Variants in DLG1 observed in about 807,000 individuals in gnomAD.
DLG1 encodes the protein disks large homolog 1.
DLG1 carries 42 observed loss-of-function variants against 123.4 expected under a neutral mutation model. That is an observed-to-expected ratio of 0.34 (90% CI 0.27 to 0.44). The LOEUF is 0.44. Ranked by LOEUF, DLG1 falls within the 20% of genes least tolerant of loss-of-function variation. The pLI, the probability that DLG1 is intolerant of heterozygous loss-of-function variation, is 1.00. For missense variants in DLG1, 942 were observed against 1,082.6 expected (o/e 0.87, Z 1.82); for synonymous variants, 317 against 356.2 (o/e 0.89, Z 1.24).
intron 23 of DLG1, among the ~76,000 whole-genome samples, chr3:197,058,707 A>G (rs1294965661): frequency 6.6e-6 from 1 of 152,216 alleles, no homozygotes; most frequent in Non-Finnish European, 1.5e-5. Flanking sequence ...ACAGATGTCA[A>G]ATAGGTAAAG....
chr3:197,268,237 A>C (rs1450199344), intron 4 of DLG1, among the ~76,000 whole-genome samples: 1 of 152,208 alleles, frequency 6.6e-6, no homozygotes, highest in Non-Finnish European at 1.5e-5. Flanking sequence ...CACATAATCA[A>C]AACTCATAAT....
intron 14 of DLG1, among the ~76,000 whole-genome samples, chr3:197,095,189 G>T (rs1358962544): frequency 6.6e-6 from 1 of 151,996 alleles, no homozygotes; most frequent in Non-Finnish European, 1.5e-5. Flanking sequence ...TTGCCTTCTT[G>T]ATGTCTCATC....
chr3:197,177,023 G>GA (rs1191718741), intron 5 of DLG1, among the ~76,000 whole-genome samples: 1 of 150,850 alleles, frequency 6.6e-6, no homozygotes, highest in Non-Finnish European at 1.5e-5. Context: ...AAAATGTGTT[G>GA]AAACAGTGTT....
chr3:197,296,339 T>C lies in DLG1; in HGVS notation c.151+7A>G. 1 of 1,612,242 alleles carries C rather than the reference T, an allele frequency of 6.2e-7. No homozygotes were observed. Among genetic ancestry groups the C allele is most frequent in the Non-Finnish European group, 8.5e-7 (1 of 1,178,578 alleles). ...TGGCATAATAGTTACGAAGTTTTAATTCCCACCTATTAAAGCCTGAAAGAG... is the reference window on the plus strand; with the variant it reads ...TGGCATAATAGTTACGAAGTTTTAACTCCCACCTATTAAAGCCTGAAAGAG... On this transcript the variant is annotated splice_region_variant and intron_variant, in intron 3 of 24. Coordinates refer to ENST00000667157, the MANE Select transcript of DLG1 (RefSeq NM_001366207.1).
intron 4 of DLG1, among the ~76,000 whole-genome samples, chr3:197,274,335 C>T (rs1240119162): frequency 1.3e-5 from 2 of 152,092 alleles, no homozygotes; most frequent in East Asian, 3.8e-4. Context: ...CAAAAACACA[C>T]AATGGGAAAA....
intron 4 of DLG1, chr3:197,226,209 T>C (rs550047899): frequency 1.3e-5 from 2 of 152,368 alleles, no homozygotes; most frequent in South Asian, 2.1e-4. Flanking sequence ...ACTAAAATTA[T>C]AGTCAAATTA....
At chr3:197,221,157 T>C (rs1204512587) in intron 4 of DLG1, among the ~76,000 whole-genome samples, 7 of 152,192 alleles carry the variant, frequency 4.6e-5, no homozygotes, top group African/African-American at 4.8e-5. Context: ...TTGAGTGTAA[T>C]GGTAGCTCTT....
intron 14 of DLG1, among the ~76,000 whole-genome samples, chr3:197,093,904 G>A (rs1023854436): frequency 6.6e-6 from 1 of 152,160 alleles, no homozygotes; most frequent in African/African-American, 2.4e-5. Context: ...CTGGGCTAGT[G>A]CTTTGGGTCA....
intron 22 of DLG1, among the ~76,000 whole-genome samples, chr3:197,064,987 T>C (rs1441656012): frequency 6.6e-6 from 1 of 151,844 alleles, no homozygotes; most frequent in Admixed American, 6.6e-5. Flanking sequence ...CTCCTTTTAA[T>C]ATATGCTGGA....
At chr3:197,290,100 GC>G (rs1016291586) in intron 3 of DLG1, among the ~76,000 whole-genome samples, 4 of 151,936 alleles carry the variant, frequency 2.6e-5, no homozygotes, top group Admixed American at 2.0e-4. Context: ...GCTTGAAAGG[GC>G]CCCCACTGGA....
At chr3:197,079,990 T>G (rs1184170297) in intron 17 of DLG1, among the ~76,000 whole-genome samples, 1 of 151,874 alleles carries the variant, frequency 6.6e-6, no homozygotes, top group African/African-American at 2.4e-5. Flanking sequence ...TTATAAAAAT[T>G]TTGTTTAGTA....
intron 14 of DLG1, among the ~76,000 whole-genome samples, chr3:197,100,610 T>C (rs1762937267): frequency 6.6e-6 from 1 of 152,084 alleles, no homozygotes; most frequent in Non-Finnish European, 1.5e-5. Context: ...TGAGGAACAA[T>C]AAGATTAAAT....
intron 4 of DLG1, among the ~76,000 whole-genome samples, chr3:197,221,529 A>G (rs1026424912): frequency 2.0e-5 from 3 of 152,086 alleles, no homozygotes; most frequent in African/African-American, 7.2e-5. Flanking sequence ...CATCTCAAAA[A>G]GAAAAGGAAA....
chr3:197,079,744 C>G (rs1749679229), intron 17 of DLG1, among the ~76,000 whole-genome samples: 1 of 152,058 alleles, frequency 6.6e-6, no homozygotes, highest in Non-Finnish European at 1.5e-5. Context: ...TGCTTCAGAT[C>G]ACACTATATA....
intron 5 of DLG1, among the ~76,000 whole-genome samples, chr3:197,161,193 G>C (rs1216962654): frequency 6.6e-6 from 1 of 152,102 alleles, no homozygotes; most frequent in Non-Finnish European, 1.5e-5. Flanking sequence ...AATGTGAAGT[G>C]TGTTATCTAA....
At chr3:197,207,644 T>G (rs1223084466) in intron 4 of DLG1, among the ~76,000 whole-genome samples, 1 of 152,150 alleles carries the variant, frequency 6.6e-6, no homozygotes, top group African/African-American at 2.4e-5. Flanking sequence ...CCTTGATTAA[T>G]ATATGGTATT....
At chr3:197,166,438 TATAG>T (rs936301413) in intron 5 of DLG1, among the ~76,000 whole-genome samples, 1 of 152,164 alleles carries the variant, frequency 6.6e-6, no homozygotes, top group African/African-American at 2.4e-5. Context: ...TTTCAATATA[TATAG>T]ATAAATACAA....
chr3:197,111,870 G>A (rs752106452), intron 13 of DLG1, among the ~76,000 whole-genome samples: 7 of 152,136 alleles, frequency 4.6e-5, no homozygotes, highest in Non-Finnish European at 7.4e-5. Flanking sequence ...ATTATATTGT[G>A]TAAACATACC....
intron 15 of DLG1, among the ~76,000 whole-genome samples, chr3:197,086,156 A>C (rs1754222857): frequency 6.6e-6 from 1 of 152,110 alleles, no homozygotes; most frequent in African/African-American, 2.4e-5. Flanking sequence ...TATTTGATTT[A>C]TTAGTTGTGG....
Sources: allele counts gnomAD v4.1 joint callset (sites outside exome capture counted in the v4.1 genomes callset), GRCh38; gene constraint gnomAD v4.1.1; transcripts MANE v1.5; gene names NCBI Gene and HGNC (gene_info 2026-07-23, HGNC 2026-07-21).